Variants in ERBB4 observed in about 807,000 individuals in gnomAD.
ERBB4 encodes the protein receptor tyrosine-protein kinase erbB-4.
Under a neutral mutation model 158.0 loss-of-function variants are expected in ERBB4, and 42 were observed. The observed-to-expected ratio is 0.27, with a 90% CI of 0.21 to 0.34. ERBB4 has a LOEUF of 0.34. Ranked by LOEUF, ERBB4 falls within the 10% of genes least tolerant of loss-of-function variation. The probability of loss-of-function intolerance (pLI) is 1.00; values close to 1 mark genes in which losing one functional copy is unlikely to be tolerated. For missense variants in ERBB4, 1,333 were observed against 1,624.1 expected, an observed-to-expected ratio of 0.82 and a Z score of 3.08; for synonymous variants, 583 against 558.7, an observed-to-expected ratio of 1.04 and a Z score of -0.61.
At chr2:211,551,334 TC>T (rs2067091111) in intron 20 of ERBB4, among the ~76,000 whole-genome samples, 1 of 152,198 alleles carries the variant, frequency 6.6e-6, no homozygotes, top group Admixed American at 6.5e-5. Flanking sequence ...TAAGCTATCA[TC>T]TTTTTTCTTC....
At chr2:212,171,324 GT>G (rs59021730) in intron 1 of ERBB4, among the ~76,000 whole-genome samples, 6 of 149,596 alleles carry the variant, frequency 4.0e-5, no homozygotes, top group African/African-American at 7.4e-5. Context: ...TAACTAACTT[GT>G]TTTTTTTTTA....
At chr2:212,514,240 A>T (rs550292793) in intron 1 of ERBB4, among the ~76,000 whole-genome samples, 5 of 152,286 alleles carry the variant, frequency 3.3e-5, no homozygotes, top group East Asian at 1.9e-4. Context: ...CATTGACAAC[A>T]TATTTCCTTA....
At chr2:212,163,139 G>C (rs2081250753) in intron 1 of ERBB4, among the ~76,000 whole-genome samples, 1 of 151,666 alleles carries the variant, frequency 6.6e-6, no homozygotes, top group Admixed American at 6.6e-5. Context: ...TTTTTGCTTT[G>C]TACCTTCCTG....
intron 2 of ERBB4, among the ~76,000 whole-genome samples, chr2:212,008,015 G>T (rs2076296248): frequency 6.6e-6 from 1 of 152,004 alleles, no homozygotes; most frequent in Non-Finnish European, 1.5e-5. Context: ...ACAGATGCAT[G>T]AATAAGTGGA....
intron 19 of ERBB4, among the ~76,000 whole-genome samples, chr2:211,610,701 A>G (rs2069161654): frequency 1.3e-5 from 2 of 152,328 alleles, no homozygotes; most frequent in South Asian, 2.1e-4. Flanking sequence ...AAAATTCACA[A>G]ACTGTAGGTT....
intron 1 of ERBB4, among the ~76,000 whole-genome samples, chr2:212,243,981 A>C (rs1288471274): frequency 6.6e-6 from 1 of 152,142 alleles, no homozygotes; most frequent in Non-Finnish European, 1.5e-5. Context: ...TATGGTATTC[A>C]AGTTAATTTA....
intron 2 of ERBB4, among the ~76,000 whole-genome samples, chr2:212,092,739 A>T: frequency 6.6e-6 from 1 of 152,122 alleles, no homozygotes; most frequent in Non-Finnish European, 1.5e-5. Flanking sequence ...AGTACAATAA[A>T]ATTAGGCAAT....
At chr2:211,705,291 C>A (rs369765978) in intron 10 of ERBB4, 27 bp downstream of exon 10, 16 of 1,470,334 alleles carry the variant, frequency 1.1e-5, no homozygotes, top group Admixed American at 1.7e-5. Flanking sequence ...TTGTTCATAG[C>A]GCAACAGTTG....
Position 211,707,335 on chromosome 2 carries a change from C to T in ERBB4, c.1125-1944G>A, listed in dbSNP as rs1490134744. Among the ~76,000 whole-genome samples the T allele has an allele frequency of 2.6e-5, 4 of 152,248 alleles. No homozygotes were observed. In the East Asian group the frequency reaches 5.8e-4, roughly 22 times the overall value. ...TCTTGGGAGTTGCATCCTATAGCCA[C>T]TCGAAATACATAGTACTTTAAAACA... On this transcript the variant is annotated intron_variant, in intron 9 of 27. Transcript: ENST00000342788.
chr2:211,738,032 T>C (rs1418941961), intron 5 of ERBB4, among the ~76,000 whole-genome samples: 1 of 151,052 alleles, frequency 6.6e-6, no homozygotes. Context: ...ATAATCTAAG[T>C]GTTAAAATAA....
At chr2:212,020,394 A>G (rs1255183040) in intron 2 of ERBB4, among the ~76,000 whole-genome samples, 2 of 152,082 alleles carry the variant, frequency 1.3e-5, no homozygotes, top group African/African-American at 2.4e-5. Context: ...GTTCTACTGG[A>G]TATATCCAGG....
intron 20 of ERBB4, among the ~76,000 whole-genome samples, chr2:211,513,398 A>C (rs1369500797): frequency 6.6e-6 from 1 of 150,544 alleles, no homozygotes; most frequent in Admixed American, 6.6e-5. Flanking sequence ...CACTGATCCT[A>C]GAAGAGTATG....
chr2:212,163,344 C>T (rs899006933), intron 1 of ERBB4, among the ~76,000 whole-genome samples: 1 of 151,818 alleles, frequency 6.6e-6, no homozygotes, highest in Non-Finnish European at 1.5e-5. Context: ...GATATAAAGG[C>T]ACTATTCATT....
chr2:211,524,092 A>G (rs2066267331), intron 20 of ERBB4, among the ~76,000 whole-genome samples: 1 of 151,220 alleles, frequency 6.6e-6, no homozygotes. Flanking sequence ...GTGTTTACAA[A>G]CCTTGAGCTA....
At chr2:211,487,853 T>C (rs1305035171) in intron 20 of ERBB4, among the ~76,000 whole-genome samples, 1 of 152,016 alleles carries the variant, frequency 6.6e-6, no homozygotes, top group Non-Finnish European at 1.5e-5. Flanking sequence ...AATTAGCTGG[T>C]GTAATGAAGA....
At position 212,013,058 on chromosome 2, in the gene ERBB4, CTT is replaced by C. The variant is rs775918426; in HGVS notation, c.235-65444_235-65443del. On this transcript the variant is annotated intron_variant, in intron 2 of 27. Coordinates refer to ENST00000342788, the MANE Select transcript of ERBB4 (RefSeq NM_005235.3). ...CCATGCCCAGCCAAGAAATACTTTCCTTTTTTTTTTTTTTTTGAGACAGAGTC... is the reference window on the plus strand; with the variant it reads ...CCATGCCCAGCCAAGAAATACTTTCCTTTTTTTTTTTTTTGAGACAGAGTC... 2.7e-4 allele frequency among the ~76,000 whole-genome samples: 38 copies of C among 139,632 alleles called. 1 individual carries two copies. Among genetic ancestry groups the C allele is most frequent in the South Asian group, 2.3e-4 (1 of 4,378 alleles). The allele number at this position is 139,632 out of a possible 152,430, so 91.6% of individuals were successfully genotyped here.
At chr2:212,193,807 C>A (rs1647777311) in intron 1 of ERBB4, among the ~76,000 whole-genome samples, 1 of 152,012 alleles carries the variant, frequency 6.6e-6, no homozygotes, top group Non-Finnish European at 1.5e-5. Flanking sequence ...ATGAGTAATT[C>A]TTCAATTAGA....
intron 3 of ERBB4, among the ~76,000 whole-genome samples, chr2:211,894,552 A>G (rs1239824476): frequency 1.3e-5 from 2 of 152,082 alleles, no homozygotes; most frequent in Non-Finnish European, 2.9e-5. Flanking sequence ...CCTAAAACTT[A>G]AAGTATAATA....
At chr2:211,817,409 T>C (rs1357795420) in intron 3 of ERBB4, among the ~76,000 whole-genome samples, 9 of 152,198 alleles carry the variant, frequency 5.9e-5, no homozygotes, top group African/African-American at 1.7e-4. Flanking sequence ...CTCTTTGGTA[T>C]AGTTGCAAAA....
Sources: allele counts gnomAD v4.1 joint callset (sites outside exome capture counted in the v4.1 genomes callset), GRCh38; gene constraint gnomAD v4.1.1; transcripts MANE v1.5; gene names NCBI Gene and HGNC (gene_info 2026-07-23, HGNC 2026-07-21).